Variants in MAN1A2 observed in about 807,000 individuals in gnomAD.
MAN1A2 encodes mannosyl-oligosaccharide 1,2-alpha-mannosidase IB.
MAN1A2 carries 26 observed loss-of-function variants against 75.7 expected under a neutral mutation model. That is an observed-to-expected ratio of 0.34 (90% CI 0.25 to 0.48). The LOEUF is 0.48. Ranked by LOEUF, MAN1A2 falls within the 20% of genes least tolerant of loss-of-function variation. The pLI is 0.99. For missense variants in MAN1A2, 562 were observed against 775.5 expected (o/e 0.72, Z 3.27); for synonymous variants, 247 against 264.6 (o/e 0.93, Z 0.65).
chr1:117,521,431 A>G (rs529669367), intron 12 of MAN1A2, among the ~76,000 whole-genome samples: 4 of 151,956 alleles, frequency 2.6e-5, no homozygotes, highest in Non-Finnish European at 5.9e-5. Context: ...AAAATGCTCA[A>G]CATCACTAAT....
At chr1:117,370,003 G>A (rs1652905038) in intron 1 of MAN1A2, among the ~76,000 whole-genome samples, 1 of 152,030 alleles carries the variant, frequency 6.6e-6, no homozygotes, top group South Asian at 2.1e-4. Context: ...TGGTCTAAAA[G>A]TTTAAAATAA....
At chr1:117,488,190 T>C (rs1257534826) in intron 8 of MAN1A2, among the ~76,000 whole-genome samples, 1 of 151,052 alleles carries the variant, frequency 6.6e-6, no homozygotes, top group Non-Finnish European at 1.5e-5. Context: ...AGAATATCAT[T>C]AATCTTAGTT....
chr1:117,376,137 C>T (rs1392085380), intron 1 of MAN1A2, among the ~76,000 whole-genome samples: 1 of 152,174 alleles, frequency 6.6e-6, no homozygotes, highest in Non-Finnish European at 1.5e-5. Context: ...GTCTCGATCT[C>T]CTGACCTCGT....
chr1:117,394,273 G>A (rs959684250), intron 1 of MAN1A2, among the ~76,000 whole-genome samples: 8 of 151,944 alleles, frequency 5.3e-5, no homozygotes, highest in Non-Finnish European at 1.2e-4. Flanking sequence ...CAGTAGAGAC[G>A]GGGTTTCACC....
chr1:117,406,978 T>A (rs1647637021), intron 3 of MAN1A2, among the ~76,000 whole-genome samples: 3 of 152,160 alleles, frequency 2.0e-5, no homozygotes, highest in Admixed American at 1.3e-4. Flanking sequence ...TATTAATATT[T>A]ATCAAATAGA....
intron 6 of MAN1A2, among the ~76,000 whole-genome samples, chr1:117,444,676 G>A (rs1649150376): frequency 1.3e-5 from 2 of 151,666 alleles, no homozygotes; most frequent in African/African-American, 2.4e-5. Context: ...TTGCTTTTTG[G>A]TGAATTGTCT....
At chr1:117,516,909 C>T (rs1651730178) in intron 12 of MAN1A2, among the ~76,000 whole-genome samples, 1 of 152,110 alleles carries the variant, frequency 6.6e-6, no homozygotes, top group Non-Finnish European at 1.5e-5. Flanking sequence ...CTGATCATCA[C>T]ATGCATGTGA....
intron 1 of MAN1A2, among the ~76,000 whole-genome samples, chr1:117,398,093 A>G (rs547177177): frequency 1.3e-4 from 20 of 152,314 alleles, no homozygotes; most frequent in African/African-American, 4.3e-4. Context: ...TGTCCTAGGC[A>G]TTGAGGGATA....
At chr1:117,492,818 A>G (rs1421054795) in intron 8 of MAN1A2, among the ~76,000 whole-genome samples, 3 of 152,086 alleles carry the variant, frequency 2.0e-5, no homozygotes, top group Non-Finnish European at 4.4e-5. Flanking sequence ...ATTTAAAGCT[A>G]TTAATATATA....
At position 117,522,892 on chromosome 1, in the gene MAN1A2, G is replaced by C; in HGVS notation, c.1861G>C (p.Ala621Pro). The change falls in exon 13 of 13, where the codon GCT becomes CCT. Residue 621 changes from alanine (A) to proline (P), a missense_variant. This residue lies in a region of MAN1A2 where 434 missense variants were observed against 645.7 expected (regional missense o/e 0.67). Coordinates refer to ENST00000356554, the MANE Select transcript of MAN1A2 (RefSeq NM_006699.5). ...AGACCACTGGGTGTTTAATACAGAGGCTCACCCTCTGCCTGTGTTACATTT... is the reference window on the plus strand; with the variant it reads ...AGACCACTGGGTGTTTAATACAGAGCCTCACCCTCTGCCTGTGTTACATTT... ...PLDHWVFNTE[A>P]HPLPVLHLAN... 1.2e-6 allele frequency: 2 copies of C among 1,611,704 alleles called. No homozygotes were observed. The highest frequency in any genetic ancestry group is 1.7e-6 in the Non-Finnish European group (2 of 1,178,462).
chr1:117,370,462 C>G (rs1570687595), intron 1 of MAN1A2, among the ~76,000 whole-genome samples: 2 of 152,264 alleles, frequency 1.3e-5, no homozygotes, highest in Admixed American at 1.3e-4. Context: ...TATCAGTTGA[C>G]ATTTGCTTTA....
intron 5 of MAN1A2, among the ~76,000 whole-genome samples, chr1:117,441,068 T>G (rs781034100): frequency 4.6e-5 from 7 of 152,168 alleles, no homozygotes; most frequent in Non-Finnish European, 1.0e-4. Context: ...ATTGTAGATG[T>G]GTGAATATAT....
intron 8 of MAN1A2, among the ~76,000 whole-genome samples, chr1:117,489,502 C>G (rs1453553415): frequency 6.6e-6 from 1 of 151,948 alleles, no homozygotes; most frequent in African/African-American, 2.4e-5. Flanking sequence ...TGTGTGTACC[C>G]TATTTTAATT....
chr1:117,400,496 T>G (rs1006211862), intron 1 of MAN1A2, among the ~76,000 whole-genome samples: 1 of 151,938 alleles, frequency 6.6e-6, no homozygotes, highest in African/African-American at 2.4e-5. Context: ...CCTTGTGTTA[T>G]TCCTTTATAG....
chr1:117,458,773 C>T (rs1264944866), intron 6 of MAN1A2, among the ~76,000 whole-genome samples: 1 of 151,850 alleles, frequency 6.6e-6, no homozygotes, highest in African/African-American at 2.4e-5. Context: ...ATCTGCCCAC[C>T]TCGGCCTCCT....
At chr1:117,405,133 G>A (rs908031564) in intron 2 of MAN1A2, among the ~76,000 whole-genome samples, 3 of 152,190 alleles carry the variant, frequency 2.0e-5, no homozygotes, top group African/African-American at 4.8e-5. Flanking sequence ...CTTTTATGCT[G>A]TAACAGCAGA....
At chr1:117,500,237 C>A (rs566569875) in intron 11 of MAN1A2, among the ~76,000 whole-genome samples, 1 of 151,882 alleles carries the variant, frequency 6.6e-6, no homozygotes. Context: ...GGAAATAAGA[C>A]GTGTGCACAA....
At chr1:117,520,839 A>G (rs912262791) in intron 12 of MAN1A2, among the ~76,000 whole-genome samples, 5 of 152,080 alleles carry the variant, frequency 3.3e-5, no homozygotes, top group Admixed American at 6.6e-5. Context: ...ATATGGAACA[A>G]AAAAAGAGCC....
At chr1:117,413,987 A>T (rs1201749618) in intron 3 of MAN1A2, among the ~76,000 whole-genome samples, 1 of 151,846 alleles carries the variant, frequency 6.6e-6, no homozygotes, top group African/African-American at 2.4e-5. Context: ...TTTTGGTATC[A>T]GTTAGGCTGG....
Sources: allele counts gnomAD v4.1 joint callset (sites outside exome capture counted in the v4.1 genomes callset), GRCh38; gene constraint gnomAD v4.1.1; regional missense constraint gnomAD v4.1.1; transcripts MANE v1.5; gene names NCBI Gene and HGNC (gene_info 2026-07-23, HGNC 2026-07-21).